Variants in KIAA0930 observed in about 807,000 individuals in gnomAD.
The protein encoded by KIAA0930 is KIAA0930.
Under a neutral mutation model 43.9 loss-of-function variants are expected in KIAA0930, and 24 were observed. The ratio of observed to expected loss-of-function variants is 0.55; its 90% CI spans 0.40 to 0.77. The LOEUF is 0.77. KIAA0930 is among the 30% of genes least tolerant of loss of function. The pLI, the probability that KIAA0930 is intolerant of heterozygous loss-of-function variation, is 0.00. For missense variants in KIAA0930, 461 were observed against 574.2 expected (o/e 0.80, Z 2.02); for synonymous variants, 259 against 216.4 (o/e 1.20, Z -1.73).
In KIAA0930 at chr22:45,233,397, G is replaced by A. The variant is rs112958279; in HGVS notation, c.64+7243C>T. On this transcript the variant is annotated intron_variant, in intron 1 of 9. Coordinates refer to ENST00000336156, the MANE Select transcript of KIAA0930 (RefSeq NM_001009880.2). ...TGGAACGGGTAAGCACAGGTGCTAG[G>A]CCGAGTTCCCCAGCACAGGCCACGC... Among the ~76,000 whole-genome samples the A allele has an allele frequency of 3.4e-4, 52 of 152,280 alleles. 1 individual carries two copies. The highest frequency in any genetic ancestry group is 1.1e-3 in the African/African-American group (47 of 41,552).
intron 1 of KIAA0930, among the ~76,000 whole-genome samples, chr22:45,222,459 G>A (rs1370138027): frequency 7.2e-5 from 11 of 152,138 alleles, no homozygotes; most frequent in Middle Eastern, 3.4e-3. Flanking sequence ...ATAGGCGCAC[G>A]CCACCACACC....
chr22:45,205,770 G>GCCCCCC, intron 3 of KIAA0930, 23 bp downstream of exon 3: 1 of 1,523,774 alleles, frequency 6.6e-7, no homozygotes, highest in South Asian at 1.1e-5. Context: ...CCAATCCGCA[G>GCCCCCC]CCCCACCCAT....
chr22:45,226,184 G>A (rs1324963084), intron 1 of KIAA0930: 4 of 455,394 alleles, frequency 8.8e-6, no homozygotes, highest in Admixed American at 2.4e-5. Context: ...CTTTATTCAT[G>A]GGCCTGTCTT....
In KIAA0930 at chr22:45,203,140, G is replaced by A; in HGVS notation, c.702C>T (p.Phe234=). The A allele has an allele frequency of 6.2e-7, 1 of 1,613,038 alleles. No homozygotes were observed. Among genetic ancestry groups the A allele is most frequent in the Non-Finnish European group, 8.5e-7 (1 of 1,179,532 alleles). ...ARMAQKMSFG[F]YKYSNMEFVR... Reference sequence around the variant, plus strand: ...CAAACTCCATGTTGCTGTACTTGTAGAAGCCAAACGACATCTTCTGTGCCA... The same window carrying A: ...CAAACTCCATGTTGCTGTACTTGTAAAAGCCAAACGACATCTTCTGTGCCA... Residue 234 remains phenylalanine, a synonymous_variant, in exon 7 of 10, where the codon TTC becomes TTT. Transcript: ENST00000336156.
At chr22:45,207,305 C>G (rs1339358281) in intron 2 of KIAA0930, among the ~76,000 whole-genome samples, 1 of 147,874 alleles carries the variant, frequency 6.8e-6, no homozygotes, top group Non-Finnish European at 1.5e-5. Flanking sequence ...GCCACTGCAC[C>G]CGGCCTCAAT....
intron 1 of KIAA0930, among the ~76,000 whole-genome samples, chr22:45,222,560 T>TG (rs760004572): frequency 5.3e-5 from 8 of 152,038 alleles, no homozygotes; most frequent in Non-Finnish European, 1.5e-5. Context: ...CCGCTTGCCT[T>TG]GGCCTCCCAA....
intron 2 of KIAA0930, among the ~76,000 whole-genome samples, chr22:45,208,269 CA>C (rs1451849934): frequency 1.3e-5 from 2 of 151,728 alleles, no homozygotes; most frequent in African/African-American, 4.8e-5. Flanking sequence ...CCTGAAACAA[CA>C]TATACTGCCC....
At chr22:45,199,844 G>T in intron 8 of KIAA0930, 29 bp downstream of exon 8, 2 of 1,516,142 alleles carry the variant, frequency 1.3e-6, no homozygotes, top group South Asian at 2.5e-5. Context: ...AAGGGCACGG[G>T]GACCCTAGGG....
chr22:45,206,192 C>T (rs1853656914), intron 2 of KIAA0930, among the ~76,000 whole-genome samples: 1 of 152,040 alleles, frequency 6.6e-6, no homozygotes, highest in African/African-American at 2.4e-5. Flanking sequence ...ATTTTTAAAA[C>T]TTTTTGTAGA....
At chr22:45,199,845 G>A (rs200602398) in intron 8 of KIAA0930, 28 bp downstream of exon 8, 2 of 1,519,946 alleles carry the variant, frequency 1.3e-6, no homozygotes, top group African/African-American at 1.4e-5. Context: ...AGGGCACGGG[G>A]ACCCTAGGGC....
chr22:45,205,767 G>C, intron 3 of KIAA0930, 26 bp downstream of exon 3: 1 of 1,579,456 alleles, frequency 6.3e-7, no homozygotes. Context: ...GGGCCAATCC[G>C]CAGCCCCACC....
intron 8 of KIAA0930, among the ~76,000 whole-genome samples, chr22:45,199,421 T>C (rs567559976): frequency 6.6e-6 from 1 of 152,166 alleles, no homozygotes; most frequent in Non-Finnish European, 1.5e-5. Flanking sequence ...CACGTGGTTC[T>C]GGGAGGCTGC....
chr22:45,203,170 G>A lies in KIAA0930; in HGVS notation c.672C>T (p.Ala224=), dbSNP rs766154885. Residue 224 remains alanine (A), a synonymous_variant, in exon 7 of 10, where the codon GCC becomes GCT. Transcript: ENST00000336156. ...KVYDNRVSVA[A]RMAQKMSFGF... ...CAAACGACATCTTCTGTGCCATGCG[G>A]GCGGCCACGCTCACCTGGGGGCCGG... is the stretch of plus-strand genomic sequence containing the variant. 7.5e-6 allele frequency: 12 copies of A among 1,604,594 alleles called. No homozygotes were observed. The South Asian group carries it at 1.2e-4, about 16-fold the overall frequency.
At chr22:45,223,513 AAGTT>A (rs373367385) in intron 1 of KIAA0930, among the ~76,000 whole-genome samples, 446 of 152,250 alleles carry the variant, frequency 2.9e-3, no homozygotes, top group African/African-American at 9.7e-3. Context: ...GGGTTGTTGA[AAGTT>A]AGTCCATCCA....
chr22:45,227,217 C>A (rs1349334495), intron 1 of KIAA0930, among the ~76,000 whole-genome samples: 1 of 152,228 alleles, frequency 6.6e-6, no homozygotes, highest in African/African-American at 2.4e-5. Flanking sequence ...ATGCAAAGCA[C>A]CTTCTGGGCC....
chr22:45,230,580 C>CTT (rs796595254), intron 1 of KIAA0930, among the ~76,000 whole-genome samples: 10 of 128,666 alleles, frequency 7.8e-5, no homozygotes, highest in African/African-American at 8.7e-5. Context: ...AGATCACATT[C>CTT]TTTTTTTTTT....
chr22:45,220,291 A>G (rs985775406), intron 1 of KIAA0930, among the ~76,000 whole-genome samples: 7 of 152,008 alleles, frequency 4.6e-5, no homozygotes, highest in Admixed American at 4.6e-4. Flanking sequence ...CGTCTCTACT[A>G]AAAATACAAA....
At chr22:45,221,482 C>T (rs2083767274) in intron 1 of KIAA0930, among the ~76,000 whole-genome samples, 1 of 152,236 alleles carries the variant, frequency 6.6e-6, no homozygotes, top group Admixed American at 6.5e-5. Context: ...TGTATGTTTT[C>T]ACGCAGATGC....
rs535482000 is a variant in KIAA0930 at position 45,219,582 on chromosome 22, GTTTTT to G, written c.65-7480_65-7476del. On this transcript the variant is annotated intron_variant, in intron 1 of 9. Coordinates refer to ENST00000336156, the MANE Select transcript of KIAA0930 (RefSeq NM_001009880.2). ...TAACACAGCAGGCCAAGAGGTGATT[GTTTTT>G]TTTTTTTTTTTTTTTTTTTTTTTTA... Among the ~76,000 whole-genome samples, 180 of 61,194 alleles carry G rather than the reference GTTTTT, an allele frequency of 2.9e-3. 1 individual carries two copies. The highest frequency in any genetic ancestry group is 7.5e-3 in the African/African-American group (131 of 17,450). 40.1% of individuals were successfully genotyped at this position (61,194 alleles called of 152,430 possible).
Sources: gnomAD v4.1 joint callset for allele counts (sites outside exome capture counted in the v4.1 genomes callset) on GRCh38, gnomAD v4.1.1 for gene constraint, MANE v1.5 for transcripts, NCBI Gene and HGNC (gene_info 2026-07-23, HGNC 2026-07-21) for gene names.